Variants in ARHGEF4 observed in about 807,000 individuals in gnomAD.
ARHGEF4 encodes the protein APC-stimulated guanine nucleotide exchange factor 1.
A neutral mutation model predicts 162.0 loss-of-function variants in ARHGEF4; 119 were observed. The ratio of observed to expected loss-of-function variants is 0.73; its 90% CI spans 0.63 to 0.86. The LOEUF is 0.86. Ranked by LOEUF, ARHGEF4 falls within the 40% of genes least tolerant of loss-of-function variation. The pLI, the probability that ARHGEF4 is intolerant of heterozygous loss-of-function variation, is 0.00. For missense variants in ARHGEF4, 2,488 were observed against 2,456.0 expected (o/e 1.01, Z -0.28); for synonymous variants, 1,014 against 979.9 (o/e 1.03, Z -0.65).
intron 4 of ARHGEF4, among the ~76,000 whole-genome samples, chr2:130,953,989 G>A (rs1230788586): frequency 6.6e-6 from 1 of 152,248 alleles, no homozygotes; most frequent in Admixed American, 6.5e-5. Context: ...GTGGAAGACA[G>A]TGTGACGATT....
intron 4 of ARHGEF4, among the ~76,000 whole-genome samples, chr2:130,980,563 A>G (rs1286253589): frequency 6.6e-6 from 1 of 152,206 alleles, no homozygotes; most frequent in East Asian, 1.9e-4. Flanking sequence ...AGTAAGAATA[A>G]GCACACAGCA....
intron 1 of ARHGEF4, among the ~76,000 whole-genome samples, chr2:130,901,624 G>C (rs1680495520): frequency 6.6e-6 from 1 of 151,834 alleles, no homozygotes; most frequent in Admixed American, 6.6e-5. Context: ...GGGTTCAAGT[G>C]ATTCTCTTGC....
At chr2:130,867,915 GTTTTTTTCTTTTT>G (rs1260056266) in intron 1 of ARHGEF4, among the ~76,000 whole-genome samples, 52 of 146,334 alleles carry the variant, frequency 3.6e-4, no homozygotes, top group East Asian at 1.6e-3. Flanking sequence ...AGGTGGATGT[GTTTTTTTCTTTTT>G]TTTTTTTCTT....
chr2:130,888,879 TCA>T (rs1229584039), intron 1 of ARHGEF4, among the ~76,000 whole-genome samples: 1 of 151,830 alleles, frequency 6.6e-6, no homozygotes, highest in African/African-American at 2.4e-5. Flanking sequence ...GGCAGGTGGA[TCA>T]CCTGAGGTCA....
intron 3 of ARHGEF4, among the ~76,000 whole-genome samples, chr2:130,935,059 C>T (rs1221271515): frequency 1.3e-5 from 2 of 151,824 alleles, no homozygotes; most frequent in East Asian, 1.9e-4. Flanking sequence ...TAGCTAAATG[C>T]TTATCAATTT....
At chr2:131,000,764 C>CT (rs1687707255) in intron 4 of ARHGEF4, among the ~76,000 whole-genome samples, 1 of 151,642 alleles carries the variant, frequency 6.6e-6, no homozygotes, top group Non-Finnish European at 1.5e-5. Flanking sequence ...ATGTATAAAC[C>CT]TTAAAATATA....
At chr2:130,931,991 A>G (rs949166098) in intron 3 of ARHGEF4, among the ~76,000 whole-genome samples, 8 of 152,170 alleles carry the variant, frequency 5.3e-5, no homozygotes, top group Admixed American at 2.6e-4. Context: ...TTCATTCACT[A>G]TATTTTGCGA....
At chr2:131,015,963 C>G (rs1052824138) in intron 4 of ARHGEF4, among the ~76,000 whole-genome samples, 176 of 152,340 alleles carry the variant, frequency 1.2e-3, no homozygotes, top group Non-Finnish European at 2.1e-3. Flanking sequence ...CACTGGGGAG[C>G]CTGCACCTGC....
chr2:130,968,174 ACT>A (rs1685122049), intron 4 of ARHGEF4, among the ~76,000 whole-genome samples: 1 of 152,112 alleles, frequency 6.6e-6, no homozygotes, highest in African/African-American at 2.4e-5. Flanking sequence ...ACACAAAGTG[ACT>A]CTGATCAGTC....
chr2:130,958,433 G>A (rs1049041766), intron 4 of ARHGEF4, among the ~76,000 whole-genome samples: 83 of 150,826 alleles, frequency 5.5e-4, no homozygotes, highest in Non-Finnish European at 7.8e-4. Flanking sequence ...GGGAGGCAAC[G>A]CAGTCTTGCT....
intron 4 of ARHGEF4, among the ~76,000 whole-genome samples, chr2:130,979,979 T>C (rs762364879): frequency 3.3e-5 from 5 of 152,208 alleles, no homozygotes; most frequent in Non-Finnish European, 7.3e-5. Flanking sequence ...AACAATGTAA[T>C]TGGTGTTTAG....
chr2:130,850,200 G>A (rs546671399), intron 1 of ARHGEF4, among the ~76,000 whole-genome samples: 2 of 152,312 alleles, frequency 1.3e-5, no homozygotes, highest in Admixed American at 6.5e-5. Flanking sequence ...GCCCCAGGGA[G>A]GGGGCAGCCT....
intron 4 of ARHGEF4, among the ~76,000 whole-genome samples, chr2:130,988,936 A>AGGG (rs1491191636): frequency 2.8e-5 from 4 of 143,436 alleles, no homozygotes; most frequent in African/African-American, 1.1e-4. Context: ...AGAGAGAGAG[A>AGGG]AAGATTCCAA....
At chr2:130,847,285 C>G (rs1200315288) in intron 1 of ARHGEF4, among the ~76,000 whole-genome samples, 1 of 152,188 alleles carries the variant, frequency 6.6e-6, no homozygotes, top group East Asian at 1.9e-4. Context: ...AGGGGCGTCT[C>G]CTGCTTCCTC....
Position 130,916,860 on chromosome 2 carries a change from C to T in ARHGEF4, c.2914C>T (p.Leu972=). ...GSPKKPTLVS[L]PLGPEVLSPA... ...CCCCAAAAAGCCCACCCTAGTGAGT[C>T]TGCCTCTAGGACCCGAAGTTCTCTC... is the stretch of plus-strand genomic sequence containing the variant. Residue 972 remains leucine, a synonymous_variant, in exon 2 of 14, where the codon CTG becomes TTG. Coordinates refer to ENST00000409359, the MANE Select transcript of ARHGEF4 (RefSeq NM_001367493.1). The T allele has an allele frequency of 1.3e-6, 2 of 1,550,304 alleles. No individual in the cohort carries two copies. Among genetic ancestry groups the T allele is most frequent in the Non-Finnish European group, 1.7e-6 (2 of 1,146,846 alleles).
At chr2:131,027,233 C>T (rs191973940) in intron 4 of ARHGEF4, among the ~76,000 whole-genome samples, 6 of 152,340 alleles carry the variant, frequency 3.9e-5, no homozygotes, top group Non-Finnish European at 7.3e-5. Flanking sequence ...GAAAATGAAA[C>T]AATCACAGCT....
chr2:130,842,952 G>T (rs935970826), intron 1 of ARHGEF4, among the ~76,000 whole-genome samples: 1 of 152,136 alleles, frequency 6.6e-6, no homozygotes, highest in South Asian at 2.1e-4. Context: ...GGGCTGCCCC[G>T]GGTGTGGGCT....
Position 131,043,534 on chromosome 2 carries a change from A to T in ARHGEF4, c.5108A>T (p.Gln1703Leu). 1 of 1,614,146 alleles carries T rather than the reference A, an allele frequency of 6.2e-7. No homozygotes were observed. The highest frequency in any genetic ancestry group is 8.5e-7 in the Non-Finnish European group (1 of 1,180,026). The change falls in exon 11 of 14, where the codon CAG becomes CTG. Residue 1703 changes from glutamine to leucine, a missense_variant. This residue lies in a region of ARHGEF4 where 415 missense variants were observed against 512.4 expected (regional missense o/e 0.81). Transcript: ENST00000409359. ...TRVTQPQAKS[Q>L]QRMFFLFDHQ... ...GTTACACAGCCTCAAGCCAAAAGCC[A>T]GCAGCGAATGTTCTTTCTCTTTGAC...
At chr2:130,905,781 TACTG>T (rs896144504) in intron 1 of ARHGEF4, among the ~76,000 whole-genome samples, 3 of 152,192 alleles carry the variant, frequency 2.0e-5, no homozygotes, top group Non-Finnish European at 4.4e-5. Context: ...ATTAATCTCT[TACTG>T]TACCTAATTT....
Sources: gnomAD v4.1 joint callset for allele counts (sites outside exome capture counted in the v4.1 genomes callset) on GRCh38, gnomAD v4.1.1 for gene constraint, gnomAD v4.1.1 regional missense constraint, MANE v1.5 for transcripts, NCBI Gene and HGNC (gene_info 2026-07-23, HGNC 2026-07-21) for gene names.